Variants in IFT27 observed in about 807,000 individuals in gnomAD.
The protein encoded by IFT27 is intraflagellar transport 27, also known as intraflagellar transport protein 27 homolog.
IFT27 carries 19 observed loss-of-function variants against 23.9 expected under a neutral mutation model. That is an observed-to-expected ratio of 0.79 (90% CI 0.55 to 1.16). The LOEUF (loss-of-function observed/expected upper bound fraction) is 1.16, where lower values mean the gene tolerates loss of function less well. IFT27 is among the 50% of genes most tolerant of loss of function. The pLI, the probability that IFT27 is intolerant of heterozygous loss-of-function variation, is 0.00. For synonymous variants in IFT27, 91 were observed against 89.1 expected, an observed-to-expected ratio of 1.02 and a Z score of -0.12; for missense variants, 206 against 228.7, an observed-to-expected ratio of 0.90 and a Z score of 0.64.
At chr22:36,769,228 G>A (rs1380628047) in intron 1 of IFT27, among the ~76,000 whole-genome samples, 1 of 152,014 alleles carries the variant, frequency 6.6e-6, no homozygotes, top group Non-Finnish European at 1.5e-5. Context: ...TTCCTTCCCC[G>A]CCAAGGTATC....
At chr22:36,773,499 A>T (rs1166155839) in intron 1 of IFT27, among the ~76,000 whole-genome samples, 1 of 151,426 alleles carries the variant, frequency 6.6e-6, no homozygotes, top group Non-Finnish European at 1.5e-5. Flanking sequence ...TAAAAAATAC[A>T]AAAAATTAGC....
chr22:36,775,982 G>T lies in IFT27; in HGVS notation c.-275C>A. 6 of 569,618 alleles carry T rather than the reference G, an allele frequency of 1.1e-5. No homozygotes were observed. The highest frequency in any genetic ancestry group is 4.8e-4 in the Middle Eastern group (1 of 2,102). 35.3% of individuals were successfully genotyped at this position (569,618 alleles called of 1,614,324 possible). ...CACGGCAGTCTGAAAAGGTGCAAGC[G>T]AGCGGACACGGCCTGTGCTCCCCGC... On this transcript the variant is annotated 5_prime_UTR_variant, in exon 1 of 7. Transcript: ENST00000433985.
chr22:36,767,155 TTGAA>T, intron 3 of IFT27, 147 bp downstream of exon 3: 1 of 595,148 alleles, frequency 1.7e-6, no homozygotes, highest in Non-Finnish European at 3.1e-6. Flanking sequence ...AGTCCCTCCC[TTGAA>T]TGCTTCCCGA....
At position 36,767,336 on chromosome 22, in the gene IFT27, T is replaced by G. The variant is rs765424704; in HGVS notation, c.144A>C (p.Thr48=). Residue 48 remains threonine, a synonymous_variant, in exon 3 of 7, where the codon ACA becomes ACC. Transcript: ENST00000433985. ...TGTCTCCCGTGTCAGGAACTGGCAC[T>G]GTCTTCACCACCAAATCCATTCCTG... The part of the protein sequence containing the change: ...LTTGMDLVVK[T]VPVPDTGDSV... The G allele has an allele frequency of 7.4e-6, 12 of 1,613,906 alleles. No individual in the cohort carries two copies. In the Middle Eastern group the frequency reaches 9.9e-4, roughly 133 times the overall value.
chr22:36,758,631 C>T (rs1937997252), intron 6 of IFT27: 2 of 562,050 alleles, frequency 3.6e-6, no homozygotes, highest in African/African-American at 1.9e-5. Flanking sequence ...AGCCACACAC[C>T]TTGTGAATGG....
At position 36,764,036 on chromosome 22, in the gene IFT27, A is replaced by G; in HGVS notation, c.235T>C (p.Trp79Arg). 1.3e-6 allele frequency: 2 copies of G among 1,598,896 alleles called. No homozygotes were observed. Among genetic ancestry groups the G allele is most frequent in the East Asian group, 2.2e-5 (1 of 44,804 alleles). Residue 79 changes from tryptophan to arginine, a missense_variant and splice_region_variant, in exon 5 of 7, where the codon TGG (tryptophan) becomes CGG (arginine). Transcript: ENST00000433985. The stretch of plus-strand genomic sequence containing the variant: ...AGACATAAGACATTGGGACTCTCCC[A>G]CTGTGCAAGAGGGACAGGATGAGTA... ...ELFSEMLDKL[W>R]ESPNVLCLVY...
intron 5 of IFT27, chr22:36,763,310 G>A: frequency 3.2e-6 from 1 of 310,396 alleles, no homozygotes; most frequent in Non-Finnish European, 5.9e-6. Flanking sequence ...GAAGGCGAGG[G>A]CCAAATTTAT....
intron 4 of IFT27, among the ~76,000 whole-genome samples, chr22:36,765,010 C>T (rs1041731684): frequency 1.3e-5 from 2 of 152,148 alleles, no homozygotes; most frequent in Non-Finnish European, 2.9e-5. Context: ...CCTTGGAAGG[C>T]GGGCCCAGAT....
chr22:36,766,219 A>G (rs1429341961), intron 3 of IFT27, 22 bp from the exon 4 acceptor site: 2 of 1,611,410 alleles, frequency 1.2e-6, no homozygotes, highest in Non-Finnish European at 1.7e-6. Context: ...AAAGCAAGAA[A>G]AGTCTCCACG....
In IFT27 at chr22:36,767,778, C is replaced by A. The variant is rs1375474775; in HGVS notation, c.114+5G>T. The stretch of plus-strand genomic sequence containing the variant: ...CTGTGGCCAGGTCTTGACACCCCAG[C>A]TCACCAGGGTGTAGCTTTTCTGGAA... On this transcript the variant is annotated splice_donor_5th_base_variant and intron_variant, in intron 2 of 6. Transcript: ENST00000433985. 6 of 1,612,716 alleles carry A rather than the reference C, an allele frequency of 3.7e-6. No individual in the cohort carries two copies. Among genetic ancestry groups the A allele is most frequent in the Non-Finnish European group, 5.1e-6 (6 of 1,178,698 alleles).
At chr22:36,771,255 C>T (rs1013873076) in intron 1 of IFT27, among the ~76,000 whole-genome samples, 6 of 152,316 alleles carry the variant, frequency 3.9e-5, no homozygotes, top group Admixed American at 6.5e-5. Flanking sequence ...AGTTACTACC[C>T]GTGCTGCCTC....
At chr22:36,773,570 C>A (rs1938434592) in intron 1 of IFT27, among the ~76,000 whole-genome samples, 1 of 143,816 alleles carries the variant, frequency 7.0e-6, no homozygotes, top group South Asian at 2.2e-4. Context: ...AGAAGAATCG[C>A]TTGAACCCAG....
At chr22:36,765,192 G>T (rs538046161) in intron 4 of IFT27, among the ~76,000 whole-genome samples, 2 of 152,202 alleles carry the variant, frequency 1.3e-5, no homozygotes, top group African/African-American at 4.8e-5. Context: ...ACACTTCAGC[G>T]TGGTTTTAAC....
intron 1 of IFT27, chr22:36,772,862 T>TGGGGG: frequency 1.7e-6 from 1 of 575,184 alleles, no homozygotes; most frequent in Non-Finnish European, 2.2e-6. Context: ...ATGTGTGTGG[T>TGGGGG]GGGGGTGGGT....
At chr22:36,766,000 A>G in intron 4 of IFT27, 138 bp downstream of exon 4, 2 of 753,602 alleles carry the variant, frequency 2.7e-6, no homozygotes, top group Admixed American at 3.9e-5. Context: ...CTGGGCTGGG[A>G]GGAATGCCCC....
chr22:36,768,195 G>A, intron 1 of IFT27: 1 of 444,484 alleles, frequency 2.2e-6, no homozygotes, highest in South Asian at 1.8e-5. Flanking sequence ...GGGAAAAGCT[G>A]TCACTTCCAA....
chr22:36,766,400 C>A (rs1938251144), intron 3 of IFT27: 1 of 571,060 alleles, frequency 1.8e-6, no homozygotes, highest in Non-Finnish European at 3.2e-6. Flanking sequence ...AGAGGCAGTA[C>A]GACGGGTTCT....
chr22:36,770,534 A>T (rs1433547229), intron 1 of IFT27, among the ~76,000 whole-genome samples: 1 of 152,198 alleles, frequency 6.6e-6, no homozygotes, highest in Non-Finnish European at 1.5e-5. Flanking sequence ...ACTAGAATGA[A>T]GGACCTTCCT....
intron 4 of IFT27, among the ~76,000 whole-genome samples, chr22:36,765,661 G>T (rs1036824491): frequency 6.6e-6 from 1 of 152,166 alleles, no homozygotes. Context: ...CTGGTGGGAC[G>T]GGGGTGGATG....
Sources: allele counts gnomAD v4.1 joint callset (sites outside exome capture counted in the v4.1 genomes callset), GRCh38; gene constraint gnomAD v4.1.1; transcripts MANE v1.5; gene names NCBI Gene and HGNC (gene_info 2026-07-23, HGNC 2026-07-21).